TANGO6: variants seen among roughly 807,000 people sequenced by gnomAD.
The protein encoded by TANGO6 is transport and Golgi organization protein 6 homolog.
A neutral mutation model predicts 114.2 loss-of-function variants in TANGO6; 90 were observed. That is an observed-to-expected ratio of 0.79 (90% CI 0.66 to 0.94). The LOEUF (loss-of-function observed/expected upper bound fraction) is 0.94. TANGO6 is among the 40% of genes least tolerant of loss of function. The pLI, the probability that TANGO6 is intolerant of heterozygous loss-of-function variation, is 0.00. For synonymous variants in TANGO6, 477 were observed against 509.8 expected, an observed-to-expected ratio of 0.94 and a Z score of 0.87; for missense variants, 1,274 against 1,315.3, an observed-to-expected ratio of 0.97 and a Z score of 0.49.
At chr16:69,067,518 CAAA>C (rs1199698790) in intron 17 of TANGO6, among the ~76,000 whole-genome samples, 30 of 43,726 alleles carry the variant, frequency 6.9e-4, no homozygotes, top group African/African-American at 2.0e-3. Context: ...AACTCCATCT[CAAA>C]AAAAAAAAAA....
chr16:69,018,365 G>T (rs1425651131), intron 15 of TANGO6, among the ~76,000 whole-genome samples: 1 of 150,052 alleles, frequency 6.7e-6, no homozygotes, highest in African/African-American at 2.4e-5. Context: ...AGCCAGGATG[G>T]TCTCAATCTC....
intron 16 of TANGO6, among the ~76,000 whole-genome samples, chr16:69,030,467 G>C (rs745409881): frequency 6.6e-6 from 1 of 152,026 alleles, no homozygotes; most frequent in Non-Finnish European, 1.5e-5. Flanking sequence ...GGGAGCAGCT[G>C]TGCAAAGGGC....
chr16:69,013,480 G>C (rs1016451663), intron 15 of TANGO6, among the ~76,000 whole-genome samples: 1 of 151,862 alleles, frequency 6.6e-6, no homozygotes, highest in Non-Finnish European at 1.5e-5. Flanking sequence ...AGCTGGGCGT[G>C]GTGGCATGCG....
At chr16:68,990,705 C>A (rs888016994) in intron 15 of TANGO6, among the ~76,000 whole-genome samples, 1 of 152,222 alleles carries the variant, frequency 6.6e-6, no homozygotes, top group Non-Finnish European at 1.5e-5. Context: ...CCATGCCTGG[C>A]TACCATTCTC....
chr16:69,065,766 G>A (rs1960206132), intron 17 of TANGO6, among the ~76,000 whole-genome samples: 1 of 152,080 alleles, frequency 6.6e-6, no homozygotes, highest in African/African-American at 2.4e-5. Flanking sequence ...TGACCGTCCT[G>A]ACGCTTTCAG....
At chr16:68,843,767 C>G in intron 1 of TANGO6, 56 bp downstream of exon 1, 2 of 1,558,626 alleles carry the variant, frequency 1.3e-6, no homozygotes, top group Non-Finnish European at 1.8e-6. Flanking sequence ...GGCCGCCCGG[C>G]TTCCGGGGCT....
intron 15 of TANGO6, among the ~76,000 whole-genome samples, chr16:69,010,270 A>G (rs1964132594): frequency 6.6e-6 from 1 of 152,160 alleles, no homozygotes; most frequent in African/African-American, 2.4e-5. Flanking sequence ...TCCACTGGAG[A>G]TTAAAAACCT....
intron 7 of TANGO6, among the ~76,000 whole-genome samples, chr16:68,882,339 A>G (rs1456052229): frequency 1.3e-5 from 2 of 151,694 alleles, no homozygotes; most frequent in African/African-American, 4.8e-5. Flanking sequence ...TACTAAAAAT[A>G]TAAAAAAATT....
At chr16:68,969,215 C>A (rs1447049376) in intron 14 of TANGO6, among the ~76,000 whole-genome samples, 2 of 152,138 alleles carry the variant, frequency 1.3e-5, no homozygotes, top group Non-Finnish European at 2.9e-5. Flanking sequence ...TTTCTTGAAT[C>A]TTGTGCTGAC....
chr16:68,907,610 T>C, intron 10 of TANGO6, 35 bp downstream of exon 10: 1 of 1,569,506 alleles, frequency 6.4e-7, no homozygotes, highest in Non-Finnish European at 8.6e-7. Context: ...TCAGTGTTGT[T>C]CCAGGGGAGT....
chr16:69,082,633 T>C (rs1960482804), intron 17 of TANGO6, among the ~76,000 whole-genome samples: 1 of 151,950 alleles, frequency 6.6e-6, no homozygotes, highest in Non-Finnish European at 1.5e-5. Context: ...TAGTCCCAGC[T>C]ACTCAGGAGG....
In TANGO6 at chr16:68,940,843, A is replaced by G. The variant is rs1441518113; in HGVS notation, c.2701+10548A>G. On this transcript the variant is annotated intron_variant, in intron 14 of 17. Transcript: ENST00000261778. ...TATATTATAGCTTTCTTTTGGGAACATAATTTATTTTTTACATTGAAAAAT... is the reference window on the plus strand; with the variant it reads ...TATATTATAGCTTTCTTTTGGGAACGTAATTTATTTTTTACATTGAAAAAT... 4.6e-5 allele frequency among the ~76,000 whole-genome samples: 7 copies of G among 152,372 alleles called. No individual in the cohort carries two copies. In the South Asian group the frequency reaches 1.4e-3, roughly 32 times the overall value.
intron 16 of TANGO6, chr16:69,035,700 T>G (rs904915224): frequency 6.6e-6 from 1 of 152,188 alleles, no homozygotes; most frequent in Non-Finnish European, 1.5e-5. Flanking sequence ...AGTTTACTGA[T>G]TTAGCCAGTG....
At chr16:69,024,603 T>TA (rs775407973) in intron 16 of TANGO6, among the ~76,000 whole-genome samples, 17 of 152,150 alleles carry the variant, frequency 1.1e-4, no homozygotes, top group Non-Finnish European at 1.9e-4. Flanking sequence ...GCCTTGTATT[T>TA]ATGTACTCAT....
intron 1 of TANGO6, among the ~76,000 whole-genome samples, chr16:68,845,848 T>C (rs982477495): frequency 6.6e-5 from 10 of 151,460 alleles, no homozygotes; most frequent in Non-Finnish European, 1.3e-4. Context: ...CCTATTTTGT[T>C]TTTTGTTTTT....
At chr16:69,072,068 T>TGTAG (rs1555530579) in intron 17 of TANGO6, among the ~76,000 whole-genome samples, 3 of 100,542 alleles carry the variant, frequency 3.0e-5, no homozygotes, top group South Asian at 3.2e-4. Context: ...TGTGTGTGTG[T>TGTAG]AGAGAGAGGG....
chr16:68,876,829 AAC>A (rs889999968), intron 5 of TANGO6, among the ~76,000 whole-genome samples: 14 of 152,108 alleles, frequency 9.2e-5, no homozygotes, highest in African/African-American at 3.4e-4. Context: ...TGAAAAGAAA[AAC>A]AACAAAAAAC....
chr16:68,864,471 C>CTCTGGAAGCTGAGGTGGGAGGAT (rs1339446646), intron 3 of TANGO6, among the ~76,000 whole-genome samples: 1 of 152,038 alleles, frequency 6.6e-6, no homozygotes, highest in Non-Finnish European at 1.5e-5. Context: ...GTTCCAGCTA[C>CTCTGGAAGCTGAGGTGGGAGGAT]TCTGGAAGCT....
At chr16:68,882,312 T>C (rs377596059) in intron 7 of TANGO6, among the ~76,000 whole-genome samples, 9 of 151,846 alleles carry the variant, frequency 5.9e-5, no homozygotes, top group African/African-American at 1.9e-4. Context: ...CTGGCTAACA[T>C]GGTGAAACCC....
Sources: gnomAD v4.1 joint callset for allele counts (sites outside exome capture counted in the v4.1 genomes callset) on GRCh38, gnomAD v4.1.1 for gene constraint, MANE v1.5 for transcripts, NCBI Gene and HGNC (gene_info 2026-07-23, HGNC 2026-07-21) for gene names.